NEB: variants seen among roughly 807,000 people sequenced by gnomAD.
NEB encodes nebulin.
NEB carries 512 observed loss-of-function variants against 952.2 expected under a neutral mutation model. The ratio of observed to expected loss-of-function variants is 0.54; its 90% CI spans 0.50 to 0.58. The LOEUF is 0.58. Ranked by LOEUF, NEB falls within the 20% of genes least tolerant of loss-of-function variation. NEB has a pLI of 0.00. For missense variants in NEB, 8,428 were observed against 9,231.1 expected (o/e 0.91, Z 3.56); for synonymous variants, 2,900 against 3,149.8 (o/e 0.92, Z 2.66).
rs1451330270 is a variant in NEB at position 151,540,764 on chromosome 2, T to C, written c.20720A>G (p.His6907Arg). 17 of 1,613,644 alleles carry C rather than the reference T, an allele frequency of 1.1e-5. No homozygotes were observed. Among genetic ancestry groups the C allele is most frequent in the Non-Finnish European group, 1.4e-5 (17 of 1,179,638 alleles). The change falls in exon 137 of 182, where the codon CAT becomes CGT. Residue 6907 changes from histidine (H) to arginine (R), a missense_variant. Physicochemically the swap from His to Arg is conservative, Grantham distance 29. This residue lies in a region of NEB where 3,374 missense variants were observed against 3,651.5 expected (regional missense o/e 0.92). Coordinates refer to ENST00000397345, the MANE Select transcript of NEB (RefSeq NM_001164508.2). ...YVELATKERP[H>R]HHAGNQTTAL... ...TGTGGTCTGGTTTCCAGCGTGATGA[T>C]GGGGTCTCTCTTTGGTGGCAAGTTC...
At chr2:151,706,109 G>A (rs1399288390) in intron 13 of NEB, among the ~76,000 whole-genome samples, 1 of 152,150 alleles carries the variant, frequency 6.6e-6, no homozygotes, top group African/African-American at 2.4e-5. Flanking sequence ...GCTTTACAGT[G>A]ATTTCCCAGC....
In NEB at chr2:151,671,986, GA is replaced by G. The variant is rs11444927; in HGVS notation, c.4299+382del. On this transcript the variant is annotated intron_variant, in intron 37 of 181. Coordinates refer to ENST00000397345, the MANE Select transcript of NEB (RefSeq NM_001164508.2). The stretch of plus-strand genomic sequence containing the variant: ...ACATTGTGACCTTGAGTTAATAAAG[GA>G]AAAAAAAAAACACCTTTCCCAAATT... Among the ~76,000 whole-genome samples, 212 of 147,442 alleles carry G rather than the reference GA, an allele frequency of 1.4e-3. 3 individuals are homozygous for G. The highest frequency in any genetic ancestry group is 4.5e-3 in the African/African-American group (176 of 39,470).
intron 46 of NEB, among the ~76,000 whole-genome samples, chr2:151,661,081 G>C (rs982251447): frequency 6.6e-6 from 1 of 152,114 alleles, no homozygotes; most frequent in East Asian, 1.9e-4. Flanking sequence ...TGTGTGGGAG[G>C]TGCTTTGCTT....
chr2:151,679,917 C>G lies in NEB; in HGVS notation c.3147+1G>C. The G allele has an allele frequency of 6.2e-7, 1 of 1,611,990 alleles. No homozygotes were observed. The highest frequency in any genetic ancestry group is 8.5e-7 in the Non-Finnish European group (1 of 1,178,014). On this transcript the variant is annotated splice_donor_variant, in intron 31 of 181. Coordinates refer to ENST00000397345, the MANE Select transcript of NEB (RefSeq NM_001164508.2). LOFTEE classifies it high-confidence loss of function. The stretch of plus-strand genomic sequence containing the variant: ...ATCAGCCCGTGAGTCCACCCACGCA[C>G]CTCACTGATATTGTAGGCATTAACT...
chr2:151,614,438 G>T lies in NEB; in HGVS notation c.11439C>A (p.Thr3813=), dbSNP rs761510669. ...GCATGTCCACTGGGCTGCTGAACTT[G>T]GTCTTCCACTTCTCAAACTCCTTCT... is the stretch of plus-strand genomic sequence containing the variant. ...EYKKEFEKWK[T]KFSSPVDMLG... is the part of the protein sequence containing the mutation. Residue 3813 remains threonine, a synonymous_variant, in exon 77 of 182, where the codon ACC becomes ACA. Transcript: ENST00000397345. 13 of 1,613,706 alleles carry T rather than the reference G, an allele frequency of 8.1e-6. No individual in the cohort carries two copies. Among genetic ancestry groups the T allele is most frequent in the Non-Finnish European group, 1.1e-5 (13 of 1,179,840 alleles).
chr2:151,613,704 T>A (rs6732307), intron 77 of NEB, among the ~76,000 whole-genome samples: 1 of 151,896 alleles, frequency 6.6e-6, no homozygotes, highest in Admixed American at 6.6e-5. Flanking sequence ...TTGCTGTTCT[T>A]GTGATAGTGA....
intron 137 of NEB, 35 bp downstream of exon 137, chr2:151,540,662 T>G: frequency 6.4e-7 from 1 of 1,569,110 alleles, no homozygotes; most frequent in South Asian, 1.1e-5. Flanking sequence ...ATTTTTCTTT[T>G]TACCCAGTGC....
Position 151,627,577 on chromosome 2 carries a change from C to A in NEB, c.10089G>T (p.Leu3363=), listed in dbSNP as rs770996712. ...CATGGATGACATCATTCTGGTCGGGCAGGCACGTCCACTCGTGCAGGTAGT... is the reference window on the plus strand; with the variant it reads ...CATGGATGACATCATTCTGGTCGGGAAGGCACGTCCACTCGTGCAGGTAGT... The part of the protein sequence containing the change: ...YKNYLHEWTC[L]PDQNDVIHAR... Residue 3363 remains leucine, a synonymous_variant, in exon 69 of 182, where the codon CTG becomes CTT. Transcript: ENST00000397345. 1 of 1,614,018 alleles carries A rather than the reference C, an allele frequency of 6.2e-7. No individual in the cohort carries two copies. Among genetic ancestry groups the A allele is most frequent in the Non-Finnish European group, 8.5e-7 (1 of 1,179,886 alleles).
intron 71 of NEB, among the ~76,000 whole-genome samples, chr2:151,623,110 G>T (rs1016840946): frequency 6.6e-6 from 1 of 152,162 alleles, no homozygotes; most frequent in Non-Finnish European, 1.5e-5. Context: ...GTAACCTCAA[G>T]GATGGTAGGT....
chr2:151,498,348 A>G lies in NEB; in HGVS notation c.24119T>C (p.Leu8040Pro). Residue 8040 changes from leucine to proline, a missense_variant, in exon 170 of 182, where the codon CTA (leucine) becomes CCA (proline). Physicochemically the swap from Leu to Pro is moderately conservative, Grantham distance 98. This residue lies in a region of NEB where 3,374 missense variants were observed against 3,651.5 expected (regional missense o/e 0.92). Transcript: ENST00000397345. The part of the protein sequence containing the change: ...KHNQENFSSV[L>P]YKENLGTGIP... ...TCCTGTCCCCAGGTTTTCTTTGTATAGCACCTGTATGATGAGAAAGCATCC... is the reference window on the plus strand; with the variant it reads ...TCCTGTCCCCAGGTTTTCTTTGTATGGCACCTGTATGATGAGAAAGCATCC... The G allele has an allele frequency of 1.9e-6, 3 of 1,547,810 alleles. No homozygotes were observed. The highest frequency in any genetic ancestry group is 2.6e-6 in the Non-Finnish European group (3 of 1,144,306).
intron 24 of NEB, chr2:151,689,197 C>CTTTTTT (rs11305294): frequency 1.0e-4 from 6 of 57,892 alleles, no homozygotes; most frequent in East Asian, 4.9e-4. Flanking sequence ...GATATATACT[C>CTTTTTT]TTTTTTTTTT....
intron 40 of NEB, among the ~76,000 whole-genome samples, chr2:151,667,439 C>T (rs922840276): frequency 2.0e-5 from 3 of 151,936 alleles, no homozygotes; most frequent in Non-Finnish European, 4.4e-5. Context: ...ATATAAATAA[C>T]GTAATTGGCA....
At chr2:151,623,152 C>T (rs1275278005) in intron 71 of NEB, among the ~76,000 whole-genome samples, 3 of 152,178 alleles carry the variant, frequency 2.0e-5, no homozygotes, top group Non-Finnish European at 4.4e-5. Flanking sequence ...CATCTATATC[C>T]AAATACAGCC....
At chr2:151,689,631 T>C (rs6733811) in intron 24 of NEB, 93,794 of 152,152 alleles carry the variant, frequency 0.62, 35,421 homozygotes, top group Non-Finnish European at 0.82. Context: ...AAGGCAAAAA[T>C]GCACAAGATT....
At position 151,650,260 on chromosome 2, in the gene NEB, C is replaced by T. The variant is rs769042183; in HGVS notation, c.7347G>A (p.Gln2449=). Residue 2449 remains glutamine (Q), a synonymous_variant, in exon 54 of 182, where the codon CAG becomes CAA. Transcript: ENST00000397345. ...SEIISEKKYR[Q]PPDRNKFTSI... Reference sequence around the variant, plus strand: ...TGGTGAACTTGTTTCTGTCTGGAGGCTGACGATATTTCTTCTCACTGATGA... The same window carrying T: ...TGGTGAACTTGTTTCTGTCTGGAGGTTGACGATATTTCTTCTCACTGATGA... 2.5e-6 allele frequency: 4 copies of T among 1,613,928 alleles called. No individual in the cohort carries two copies. Among genetic ancestry groups the T allele is most frequent in the Non-Finnish European group, 3.4e-6 (4 of 1,179,856 alleles).
intron 181 of NEB, among the ~76,000 whole-genome samples, chr2:151,487,059 G>A (rs913068230): frequency 5.3e-5 from 8 of 152,118 alleles, no homozygotes; most frequent in African/African-American, 1.7e-4. Flanking sequence ...GTGTGTGTGC[G>A]CATGTGCGTG....
intron 141 of NEB, among the ~76,000 whole-genome samples, chr2:151,536,122 G>A (rs2093157860): frequency 6.6e-6 from 1 of 152,132 alleles, no homozygotes; most frequent in South Asian, 2.1e-4. Context: ...TGCCCAGGCT[G>A]GTCTCAAACT....
chr2:151,506,601 A>C (rs1167165652), intron 163 of NEB, among the ~76,000 whole-genome samples: 5 of 152,210 alleles, frequency 3.3e-5, no homozygotes, highest in African/African-American at 1.2e-4. Context: ...TATTTGGGGG[A>C]GGGATAACAA....
intron 57 of NEB, 33 bp from the exon 58 acceptor site, chr2:151,643,386 A>C: frequency 6.5e-7 from 1 of 1,541,618 alleles, no homozygotes; most frequent in South Asian, 1.2e-5. Flanking sequence ...TGTCATAATT[A>C]AATCATTTAT....
Sources: allele counts gnomAD v4.1 joint callset (sites outside exome capture counted in the v4.1 genomes callset), GRCh38; gene constraint gnomAD v4.1.1; regional missense constraint gnomAD v4.1.1; transcripts MANE v1.5; gene names NCBI Gene and HGNC (gene_info 2026-07-23, HGNC 2026-07-21).